KCNMA1: variants seen among roughly 807,000 people sequenced by gnomAD.
KCNMA1 encodes Calcium-activated potassium channel subunit alpha-1.
KCNMA1 carries 29 observed loss-of-function variants against 140.0 expected under a neutral mutation model. That is an observed-to-expected ratio of 0.21 (90% confidence interval 0.15 to 0.28). The LOEUF (loss-of-function observed/expected upper bound fraction) is 0.28, where lower values mean the gene tolerates loss of function less well. KCNMA1 is among the 10% of genes least tolerant of loss of function. The probability of loss-of-function intolerance (pLI) is 1.00; values close to 1 mark genes in which losing one functional copy is unlikely to be tolerated. For missense variants in KCNMA1, 880 were observed against 1,602.2 expected, an observed-to-expected ratio of 0.55 and a Z score of 7.70; for synonymous variants, 612 against 611.9, an observed-to-expected ratio of 1.00 and a Z score of 0.00.
At chr10:77,320,385 A>C (rs1159468076) in intron 2 of KCNMA1, among the ~76,000 whole-genome samples, 4 of 152,196 alleles carry the variant, frequency 2.6e-5, no homozygotes, top group Non-Finnish European at 5.9e-5. Flanking sequence ...TCTGCAAGGA[A>C]GGAAGGGGCT....
intron 14 of KCNMA1, among the ~76,000 whole-genome samples, chr10:77,044,846 T>C (rs189360580): frequency 5.1e-4 from 78 of 152,246 alleles, no homozygotes; most frequent in Middle Eastern, 6.8e-3. Flanking sequence ...GAGTTCACAC[T>C]CTTAACCACC....
chr10:76,930,473 C>A (rs929953791), intron 23 of KCNMA1, among the ~76,000 whole-genome samples: 3 of 152,088 alleles, frequency 2.0e-5, no homozygotes, highest in Non-Finnish European at 4.4e-5. Flanking sequence ...CAAGTGATAA[C>A]AAGTGTTGGT....
Position 77,100,714 on chromosome 10 carries a change from C to G in KCNMA1, c.1223+7767G>C, listed in dbSNP as rs77901454. On this transcript the variant is annotated intron_variant, in intron 9 of 27. Coordinates refer to ENST00000286628, the MANE Select transcript of KCNMA1 (RefSeq NM_001161352.2). ...CAGAGTGAATGACATGGTACGAAGA[C>G]AGAAAACAGGGGGCAACCTAGTCTG... 7.1e-3 allele frequency among the ~76,000 whole-genome samples: 1,074 copies of G among 152,286 alleles called. 9 individuals are homozygous for G. Among genetic ancestry groups the G allele is most frequent in the African/African-American group, 0.022 (930 of 41,558 alleles).
chr10:77,161,777 T>C (rs1378197932), intron 5 of KCNMA1, among the ~76,000 whole-genome samples: 1 of 152,244 alleles, frequency 6.6e-6, no homozygotes, highest in Non-Finnish European at 1.5e-5. Flanking sequence ...TTTACTCTTC[T>C]GTAGTATTAT....
chr10:76,885,542 C>G lies in KCNMA1; in HGVS notation c.*1724G>C. The G allele has an allele frequency of 2.0e-6, 2 of 985,276 alleles. No individual in the cohort carries two copies. Among genetic ancestry groups the G allele is most frequent in the South Asian group, 9.4e-5 (2 of 21,284 alleles). The allele number at this position is 985,276 out of a possible 1,614,324, so 61.0% of individuals were successfully genotyped here. On this transcript the variant is annotated 3_prime_UTR_variant, in exon 28 of 28. Transcript: ENST00000286628. ...CTTGAGGGGACGGGGGATCCAAAATCTAAATCCAAAACATTCACCATAAAA... is the reference window on the plus strand; with the variant it reads ...CTTGAGGGGACGGGGGATCCAAAATGTAAATCCAAAACATTCACCATAAAA...
intron 1 of KCNMA1, among the ~76,000 whole-genome samples, chr10:77,490,032 T>G (rs2098512760): frequency 6.6e-6 from 1 of 152,216 alleles, no homozygotes; most frequent in Non-Finnish European, 1.5e-5. Context: ...AGGGTTATCC[T>G]GTGTATTATA....
downstream of KCNMA1, among the ~76,000 whole-genome samples, chr10:76,882,843 C>T (rs370220262): frequency 1.7e-4 from 26 of 152,326 alleles, no homozygotes; most frequent in African/African-American, 5.3e-4. Context: ...GTGCCCACAG[C>T]TACTTCTTTA....
chr10:77,028,139 GAC>G (rs1236713101), intron 15 of KCNMA1, among the ~76,000 whole-genome samples: 1 of 152,116 alleles, frequency 6.6e-6, no homozygotes, highest in Non-Finnish European at 1.5e-5. Flanking sequence ...TGGCTGTCTA[GAC>G]ACAGAGCCCA....
chr10:77,352,408 C>T (rs1442177322), intron 2 of KCNMA1, among the ~76,000 whole-genome samples: 1 of 152,146 alleles, frequency 6.6e-6, no homozygotes, highest in Non-Finnish European at 1.5e-5. Context: ...AAATGTTGTC[C>T]CATATGACTT....
At chr10:77,077,098 C>G (rs1166495568) in intron 13 of KCNMA1, among the ~76,000 whole-genome samples, 1 of 152,096 alleles carries the variant, frequency 6.6e-6, no homozygotes, top group African/African-American at 2.4e-5. Flanking sequence ...GAGTAGGAAA[C>G]ATCTCAGGAA....
At chr10:77,193,098 G>A (rs1452880664) in intron 3 of KCNMA1, among the ~76,000 whole-genome samples, 3 of 151,442 alleles carry the variant, frequency 2.0e-5, no homozygotes, top group Non-Finnish European at 2.9e-5. Context: ...GGCTTAGCAC[G>A]GATCTACATA....
At chr10:77,271,630 T>C (rs542374995) in intron 2 of KCNMA1, among the ~76,000 whole-genome samples, 7 of 152,332 alleles carry the variant, frequency 4.6e-5, no homozygotes, top group African/African-American at 1.7e-4. Context: ...GCAAGCTCTC[T>C]AGAAGTAAGT....
At position 77,108,445 on chromosome 10, in the gene KCNMA1, C is replaced by T. The variant is rs377310824; in HGVS notation, c.1223+36G>A. The T allele has an allele frequency of 1.2e-5, 20 of 1,604,020 alleles. 1 individual carries two copies. In the African/African-American group the frequency reaches 1.3e-4, roughly 11 times the overall value. ...AAATGGCATGCAGAGAGGATTCTAC[C>T]GCAGCAGAGGCAGCAAAACCTCTTG... is the stretch of plus-strand genomic sequence containing the variant. On this transcript the variant is annotated intron_variant, in intron 9 of 27. Coordinates refer to ENST00000286628, the MANE Select transcript of KCNMA1 (RefSeq NM_001161352.2). The surrounding 1 kb of genome is among the most constrained non-coding windows in gnomAD (Gnocchi z 4.6).
At chr10:77,343,659 T>C (rs987708119) in intron 2 of KCNMA1, among the ~76,000 whole-genome samples, 1 of 152,058 alleles carries the variant, frequency 6.6e-6, no homozygotes, top group Non-Finnish European at 1.5e-5. Flanking sequence ...CCCATATAAA[T>C]GTACAAATAA....
intron 5 of KCNMA1, among the ~76,000 whole-genome samples, chr10:77,153,742 G>A (rs952948202): frequency 4.6e-5 from 7 of 152,038 alleles, no homozygotes; most frequent in African/African-American, 1.7e-4. Flanking sequence ...TGGTTTTCAC[G>A]TGTGATTTGA....
At chr10:77,051,298 G>T (rs2095355710) in intron 14 of KCNMA1, among the ~76,000 whole-genome samples, 1 of 152,098 alleles carries the variant, frequency 6.6e-6, no homozygotes, top group South Asian at 2.1e-4. Context: ...CAGAGCAAAG[G>T]GTTCAGTCGT....
chr10:76,970,931 C>T (rs950704480), intron 19 of KCNMA1: 7 of 152,326 alleles, frequency 4.6e-5, no homozygotes, highest in African/African-American at 1.7e-4. Context: ...CACTTAGAAA[C>T]ACCACAGCAC....
At chr10:77,532,003 T>G (rs2057748841) in intron 1 of KCNMA1, among the ~76,000 whole-genome samples, 1 of 152,124 alleles carries the variant, frequency 6.6e-6, no homozygotes, top group Non-Finnish European at 1.5e-5. Context: ...AAAGTGTAAG[T>G]GGAGAGCCCA....
intron 19 of KCNMA1, among the ~76,000 whole-genome samples, chr10:76,983,390 A>AAAT (rs1198681908): frequency 6.6e-6 from 1 of 152,232 alleles, no homozygotes; most frequent in Non-Finnish European, 1.5e-5. Flanking sequence ...TCAAAGAGTA[A>AAAT]AATACTGCCT....
Sources: allele counts gnomAD v4.1 joint callset (sites outside exome capture counted in the v4.1 genomes callset), GRCh38; gene constraint gnomAD v4.1.1; non-coding constraint Gnocchi (gnomAD v3.1); transcripts MANE v1.5; gene names NCBI Gene and HGNC (gene_info 2026-07-23, HGNC 2026-07-21).